Variants in RFC1 observed in about 807,000 individuals in gnomAD.
RFC1 encodes the protein replication factor C subunit 1, also known as A1 140 kDa subunit.
A neutral mutation model predicts 137.4 loss-of-function variants in RFC1; 37 were observed. That is an observed-to-expected ratio of 0.27 (90% CI 0.21 to 0.35). The LOEUF (loss-of-function observed/expected upper bound fraction) is 0.35. Among genes scored for constraint, RFC1 ranks in the 10% least tolerant of loss-of-function variants. RFC1 has a pLI of 1.00. For missense variants in RFC1, 1,205 were observed against 1,358.5 expected (o/e 0.89, Z 1.78); for synonymous variants, 429 against 455.7 (o/e 0.94, Z 0.75).
chr4:39,335,792 C>T (rs1436523500), intron 4 of RFC1, among the ~76,000 whole-genome samples: 1 of 152,206 alleles, frequency 6.6e-6, no homozygotes, highest in African/African-American at 2.4e-5. Flanking sequence ...CATTCACATA[C>T]ATCTTCCCCA....
chr4:39,308,124 T>C (rs189994747), intron 13 of RFC1, among the ~76,000 whole-genome samples: 1 of 152,234 alleles, frequency 6.6e-6, no homozygotes, highest in African/African-American at 2.4e-5. Context: ...CTGACTGCCC[T>C]GCACGCATGC....
intron 2 of RFC1, among the ~76,000 whole-genome samples, chr4:39,348,432 A>AGGACAGGACAGGAC (rs1560619877): frequency 1.2e-5 from 1 of 85,648 alleles, no homozygotes; most frequent in East Asian, 3.2e-4. Context: ...CAAAAAAGAA[A>AGGACAGGACAGGAC]AGAAAAGAAA....
In RFC1 at chr4:39,288,028, A is replaced by T. The variant is rs774402968; in HGVS notation, c.*733T>A. On this transcript the variant is annotated 3_prime_UTR_variant, in exon 25 of 25. Transcript: ENST00000349703. ...CAGCAGAGACGTGGTCAACACACAC[A>T]GAGGGAGTGAGGCTGGGAATCCGAG... The T allele has an allele frequency of 2.6e-5, 4 of 152,262 alleles. No individual in the cohort carries two copies. The highest frequency in any genetic ancestry group is 6.5e-5 in the Admixed American group (1 of 15,276). 9.4% of individuals were successfully genotyped at this position (152,262 alleles called of 1,614,324 possible).
At chr4:39,309,315 A>C (rs1738850398) in intron 12 of RFC1, among the ~76,000 whole-genome samples, 1 of 152,258 alleles carries the variant, frequency 6.6e-6, no homozygotes. Context: ...AAAACAAGGT[A>C]CAGTGTTGAG....
At chr4:39,349,203 G>A (rs1741061778) in intron 2 of RFC1, among the ~76,000 whole-genome samples, 2 of 152,190 alleles carry the variant, frequency 1.3e-5, no homozygotes, top group Non-Finnish European at 2.9e-5. Flanking sequence ...ATGATGGAAT[G>A]AATGTATTTT....
rs1175494555 is a variant in RFC1 at position 39,315,340 on chromosome 4, C to T, written c.1203+1575G>A. Among the ~76,000 whole-genome samples, 73 of 152,246 alleles carry T rather than the reference C, an allele frequency of 4.8e-4. 1 individual carries two copies. The highest frequency in any genetic ancestry group is 1.2e-4 in the Non-Finnish European group (8 of 68,046). ...GTGATCCCACGCTTATCAAACTTCT[C>T]TCCCATATTTGTAGCTGCTACTTCT... is the stretch of plus-strand genomic sequence containing the variant. On this transcript the variant is annotated intron_variant, in intron 10 of 24. Transcript: ENST00000349703.
At chr4:39,301,129 A>C (rs769802744) in intron 19 of RFC1, among the ~76,000 whole-genome samples, 5 of 152,064 alleles carry the variant, frequency 3.3e-5, no homozygotes, top group Non-Finnish European at 5.9e-5. Flanking sequence ...AAAACAAAAA[A>C]GTTATGGAAG....
intron 2 of RFC1, among the ~76,000 whole-genome samples, chr4:39,350,086 G>A (rs755413503): frequency 6.6e-6 from 1 of 151,866 alleles, no homozygotes; most frequent in Non-Finnish European, 1.5e-5. Flanking sequence ...AGAAACAAAT[G>A]AAAATTCTAG....
chr4:39,348,459 GAAA>G (rs770839794), intron 2 of RFC1, among the ~76,000 whole-genome samples: 1 of 138,192 alleles, frequency 7.2e-6, no homozygotes. Context: ...GAAAAGAAAA[GAAA>G]AGAAAAGAAA....
intron 19 of RFC1, 92 bp downstream of exon 19, chr4:39,302,186 A>C (rs1365117373): frequency 1.3e-6 from 1 of 763,860 alleles, no homozygotes; most frequent in East Asian, 2.6e-5. Context: ...AGGCATACCA[A>C]GGAACTATAA....
Position 39,300,416 on chromosome 4 carries a change from T to TG in RFC1, c.2536-3dup. ...TTTCCGGGCAACATCAAATGGGCCCTGAAAAAAGAGAGGGACACACCTATT... is the reference window on the plus strand; with the variant it reads ...TTTCCGGGCAACATCAAATGGGCCCTGGAAAAAAGAGAGGGACACACCTATT... On this transcript the variant is annotated splice_region_variant and splice_polypyrimidine_tract_variant and intron_variant, in intron 19 of 24. Transcript: ENST00000349703. The TG allele has an allele frequency of 6.2e-7, 1 of 1,610,862 alleles. No individual in the cohort carries two copies. The highest frequency in any genetic ancestry group is 8.5e-7 in the Non-Finnish European group (1 of 1,178,404).
intron 1 of RFC1, among the ~76,000 whole-genome samples, chr4:39,361,357 C>G (rs1487316113): frequency 6.6e-6 from 1 of 152,132 alleles, no homozygotes; most frequent in Non-Finnish European, 1.5e-5. Context: ...CCACCACACT[C>G]CAGCCTGGGT....
At chr4:39,364,083 A>C in intron 1 of RFC1, among the ~76,000 whole-genome samples, 1 of 38,276 alleles carries the variant, frequency 2.6e-5, no homozygotes, top group Non-Finnish European at 6.6e-5. Flanking sequence ...TTGCCTTTAA[A>C]AAAAAAAAAA....
At chr4:39,318,411 A>G (rs762148833) in intron 9 of RFC1, among the ~76,000 whole-genome samples, 14 of 152,360 alleles carry the variant, frequency 9.2e-5, no homozygotes, top group Non-Finnish European at 1.9e-4. Context: ...AAAACGATTA[A>G]TTTACGACAC....
intron 22 of RFC1, among the ~76,000 whole-genome samples, chr4:39,293,545 CA>C (rs1737805460): frequency 6.6e-6 from 1 of 152,140 alleles, no homozygotes; most frequent in African/African-American, 2.4e-5. Flanking sequence ...ACAAAAAGTT[CA>C]GTGACTTGAT....
At chr4:39,311,601 C>A in intron 11 of RFC1, 52 bp from the exon 12 acceptor site, 2 of 1,423,788 alleles carry the variant, frequency 1.4e-6, no homozygotes, top group Non-Finnish European at 1.9e-6. Flanking sequence ...TCCTACCATT[C>A]CCTTCTCTTA....
intron 9 of RFC1, 67 bp from the exon 10 acceptor site, chr4:39,317,089 T>C: frequency 1.1e-6 from 1 of 916,006 alleles, no homozygotes. Flanking sequence ...AAAATACATA[T>C]CTAGAAATAA....
chr4:39,331,508 G>A (rs933722209), intron 4 of RFC1, among the ~76,000 whole-genome samples: 2 of 152,126 alleles, frequency 1.3e-5, no homozygotes, highest in African/African-American at 4.8e-5. Context: ...CGTAGGCAAA[G>A]ATGGCCTCAA....
chr4:39,308,448 T>C (rs1327780357), intron 13 of RFC1, among the ~76,000 whole-genome samples, 188 bp downstream of exon 13: 1 of 152,180 alleles, frequency 6.6e-6, no homozygotes, highest in Non-Finnish European at 1.5e-5. Context: ...GCCTGTGAGC[T>C]CCTGAGAGGG....
Sources: gnomAD v4.1 joint callset for allele counts (sites outside exome capture counted in the v4.1 genomes callset) on GRCh38, gnomAD v4.1.1 for gene constraint, MANE v1.5 for transcripts, NCBI Gene and HGNC (gene_info 2026-07-23, HGNC 2026-07-21) for gene names.